LPAR3: variants seen among roughly 807,000 people sequenced by gnomAD.
LPAR3 encodes lysophosphatidic acid receptor 3.
LPAR3 carries 7 observed loss-of-function variants against 17.8 expected under a neutral mutation model. That is an observed-to-expected ratio of 0.39 (90% CI 0.22 to 0.74). LPAR3 has a LOEUF of 0.74. Among genes scored for constraint, LPAR3 ranks in the 30% least tolerant of loss-of-function variants. The pLI is 0.40. For synonymous variants in LPAR3, 179 were observed against 179.9 expected, an observed-to-expected ratio of 0.99 and a Z score of 0.04; for missense variants, 391 against 453.4, an observed-to-expected ratio of 0.86 and a Z score of 1.25.
At chr1:84,869,933 C>A (rs1310983914) in intron 1 of LPAR3, among the ~76,000 whole-genome samples, 6 of 152,134 alleles carry the variant, frequency 3.9e-5, no homozygotes, top group Non-Finnish European at 8.8e-5. Context: ...ACTTGCAAAA[C>A]CCTGACCACA....
intron 2 of LPAR3, among the ~76,000 whole-genome samples, chr1:84,834,533 T>C (rs987395484): frequency 6.6e-6 from 1 of 152,146 alleles, no homozygotes; most frequent in South Asian, 2.1e-4. Flanking sequence ...CCTTGTTTGC[T>C]TGGCAATTCT....
chr1:84,886,281 C>T (rs1557611067), intron 1 of LPAR3, among the ~76,000 whole-genome samples: 1 of 152,116 alleles, frequency 6.6e-6, no homozygotes, highest in South Asian at 2.1e-4. Context: ...AATCCCAGCA[C>T]CTGGGATGCC....
chr1:84,848,212 T>A (rs1205031919), intron 2 of LPAR3, among the ~76,000 whole-genome samples: 1 of 152,244 alleles, frequency 6.6e-6, no homozygotes, highest in African/African-American at 2.4e-5. Flanking sequence ...ACAAGTGTTG[T>A]CCATCTGGAT....
At chr1:84,849,390 A>AAG (rs1659658947) in intron 2 of LPAR3, among the ~76,000 whole-genome samples, 3 of 151,098 alleles carry the variant, frequency 2.0e-5, no homozygotes, top group African/African-American at 4.9e-5. Context: ...AAAAAAAAAA[A>AAG]AAAGAAAGAA....
At chr1:84,878,169 C>A (rs1311974553) in intron 1 of LPAR3, among the ~76,000 whole-genome samples, 1 of 152,162 alleles carries the variant, frequency 6.6e-6, no homozygotes, top group Non-Finnish European at 1.5e-5. Flanking sequence ...CAGAATCTGA[C>A]ATAAATTTTT....
At chr1:84,882,556 T>C (rs1158008264) in intron 1 of LPAR3, among the ~76,000 whole-genome samples, 1 of 152,172 alleles carries the variant, frequency 6.6e-6, no homozygotes, top group Non-Finnish European at 1.5e-5. Context: ...AGAACAAAGC[T>C]GGAGGCCTCA....
At chr1:84,820,629 A>G (rs146293705) in intron 2 of LPAR3, among the ~76,000 whole-genome samples, 2 of 152,342 alleles carry the variant, frequency 1.3e-5, no homozygotes, top group East Asian at 3.9e-4. Context: ...CCTGTGTGCA[A>G]TAATCAAGAG....
chr1:84,821,193 G>T (rs1021516040), intron 2 of LPAR3, among the ~76,000 whole-genome samples: 1 of 149,520 alleles, frequency 6.7e-6, no homozygotes, highest in Non-Finnish European at 1.5e-5. Context: ...GAAATATCTC[G>T]TTAAACTTCA....
chr1:84,863,133 T>C (rs1467178297), intron 2 of LPAR3, among the ~76,000 whole-genome samples: 1 of 151,908 alleles, frequency 6.6e-6, no homozygotes, highest in Admixed American at 6.6e-5. Flanking sequence ...TGGAGTGCCG[T>C]GGTGTGATCA....
At chr1:84,875,235 C>T (rs1660234981) in intron 1 of LPAR3, among the ~76,000 whole-genome samples, 1 of 152,172 alleles carries the variant, frequency 6.6e-6, no homozygotes, top group Non-Finnish European at 1.5e-5. Context: ...ACATTCACAG[C>T]TGAAAGAGAT....
Position 84,875,620 on chromosome 1 carries a change from A to G in LPAR3, c.-18-9482T>C, listed in dbSNP as rs181787801. 2.7e-3 allele frequency among the ~76,000 whole-genome samples: 405 copies of G among 152,330 alleles called. 2 individuals are homozygous for G. Among genetic ancestry groups the G allele is most frequent in the Admixed American group, 5.4e-3 (82 of 15,312 alleles). ...TCCCTGTCTCCAGACTCTGAGAAATACATTTATTTTCTTTATAAATTACCC... is the reference window on the plus strand; with the variant it reads ...TCCCTGTCTCCAGACTCTGAGAAATGCATTTATTTTCTTTATAAATTACCC... On this transcript the variant is annotated intron_variant, in intron 1 of 2. Coordinates refer to ENST00000370611, the MANE Select transcript of LPAR3 (RefSeq NM_012152.3).
At chr1:84,889,487 G>A (rs1484643998) in intron 1 of LPAR3, among the ~76,000 whole-genome samples, 1 of 152,152 alleles carries the variant, frequency 6.6e-6, no homozygotes, top group East Asian at 1.9e-4. Flanking sequence ...GAACTGAGAT[G>A]CGCAGACAGT....
chr1:84,851,042 T>C (rs1041089128), intron 2 of LPAR3, among the ~76,000 whole-genome samples: 3 of 152,240 alleles, frequency 2.0e-5, no homozygotes, highest in African/African-American at 4.8e-5. Context: ...ACTTGATATA[T>C]GACCTGGGGC....
intron 1 of LPAR3, among the ~76,000 whole-genome samples, chr1:84,892,214 AAAATAAAT>A (rs71097866): frequency 0.018 from 2,472 of 135,578 alleles, 39 homozygotes; most frequent in South Asian, 0.051. Context: ...CTGTGTCTCA[AAAATAAAT>A]AAATAAATAA....
intron 2 of LPAR3, among the ~76,000 whole-genome samples, chr1:84,836,045 C>T (rs1361890690): frequency 1.6e-5 from 2 of 128,534 alleles, no homozygotes; most frequent in African/African-American, 2.9e-5. Context: ...CTTAGAAACC[C>T]ATTCTACATG....
At position 84,868,135 on chromosome 1, in the gene LPAR3, A is replaced by G. The variant is rs547186297; in HGVS notation, c.-18-1997T>C. 1.4e-4 allele frequency among the ~76,000 whole-genome samples: 22 copies of G among 152,100 alleles called. No homozygotes were observed. The South Asian group carries it at 4.2e-3, about 29-fold the overall frequency. Reference sequence around the variant, plus strand: ...TAGCATTTTTTTTTTTCCAAGATGGAGTCTTGCTCTGTCGCCCAGGCTGGA... The same window carrying G: ...TAGCATTTTTTTTTTTCCAAGATGGGGTCTTGCTCTGTCGCCCAGGCTGGA... On this transcript the variant is annotated intron_variant, in intron 1 of 2. Transcript: ENST00000370611.
chr1:84,840,269 GC>G (rs1659482095), intron 2 of LPAR3, among the ~76,000 whole-genome samples: 1 of 152,312 alleles, frequency 6.6e-6, no homozygotes, highest in South Asian at 2.1e-4. Flanking sequence ...GAAACCAAAA[GC>G]ACTTGTAAGA....
At position 84,813,156 on chromosome 1, in the gene LPAR3, T is replaced by TAGAGAGAGAGAGAG. The variant is rs1274265374; in HGVS notation, c.*689_*690insCTCTCTCTCTCTCT. Reference sequence around the variant, plus strand: ...ATATATATATATATATATATATATATATAGACACACACACACACACACACA... The same window carrying TAGAGAGAGAGAGAG: ...ATATATATATATATATATATATATATAGAGAGAGAGAGAGATAGACACACACACACACACACACA... On this transcript the variant is annotated 3_prime_UTR_variant, in exon 3 of 3. Transcript: ENST00000370611. 3.0e-3 allele frequency: 307 copies of TAGAGAGAGAGAGAG among 102,190 alleles called. 2 individuals carry two copies. Among genetic ancestry groups the TAGAGAGAGAGAGAG allele is most frequent in the East Asian group, 8.1e-3 (30 of 3,712 alleles). The allele number at this position is 102,190 out of a possible 1,614,324, so 6.3% of individuals were successfully genotyped here.
chr1:84,860,489 T>C (rs1659919050), intron 2 of LPAR3, among the ~76,000 whole-genome samples: 2 of 152,280 alleles, frequency 1.3e-5, no homozygotes, highest in South Asian at 2.1e-4. Context: ...CCTCTTAGAA[T>C]GTGTCTTCCT....
Sources: gnomAD v4.1 joint callset for allele counts (sites outside exome capture counted in the v4.1 genomes callset) on GRCh38, gnomAD v4.1.1 for gene constraint, MANE v1.5 for transcripts, NCBI Gene and HGNC (gene_info 2026-07-23, HGNC 2026-07-21) for gene names.